CAGE1: variants seen among roughly 807,000 people sequenced by gnomAD.
CAGE1 encodes the protein cancer-associated gene 1 protein.
A neutral mutation model predicts 94.9 loss-of-function variants in CAGE1; 66 were observed. The ratio of observed to expected loss-of-function variants is 0.70; its 90% CI spans 0.57 to 0.85. CAGE1 has a LOEUF of 0.85. Ranked by LOEUF, CAGE1 falls within the 40% of genes least tolerant of loss-of-function variation. The pLI is 0.00. For missense variants in CAGE1, 865 were observed against 950.4 expected (o/e 0.91, Z 1.18); for synonymous variants, 319 against 321.0 (o/e 0.99, Z 0.07).
intron 11 of CAGE1, chr6:7,347,516 T>TGGGGGGGGGGGG (rs1292213281): frequency 2.7e-4 from 2 of 7,540 alleles, no homozygotes; most frequent in Admixed American, 1.3e-3. Flanking sequence ...GGGGGGGGGT[T>TGGGGGGGGGGGG]GGGGGGGGCG....
At position 7,373,181 on chromosome 6, in the gene CAGE1, T is replaced by A; in HGVS notation, c.1638A>T (p.Lys546Asn). 6.2e-7 allele frequency: 1 copy of A among 1,613,820 alleles called. No individual in the cohort carries two copies. Among genetic ancestry groups the A allele is most frequent in the Non-Finnish European group, 8.5e-7 (1 of 1,179,840 alleles). ...QINEVKNENA[K>N]LKQQVARSEE... is the part of the protein sequence containing the mutation. Reference sequence around the variant, plus strand: ...CACTCCTTGCAACCTGCTGTTTAAGTTTTGCATTCTCATTTTTTACTTCGT... The same window carrying A: ...CACTCCTTGCAACCTGCTGTTTAAGATTTGCATTCTCATTTTTTACTTCGT... Residue 546 changes from lysine to asparagine, a missense_variant, in exon 5 of 14, where the codon AAA becomes AAT. Lys to Asn is a moderately conservative substitution (Grantham distance 94). Transcript: ENST00000502583.
intron 11 of CAGE1, among the ~76,000 whole-genome samples, chr6:7,348,708 A>G (rs1759655508): frequency 6.6e-6 from 1 of 152,174 alleles, no homozygotes; most frequent in South Asian, 2.1e-4. Flanking sequence ...GGAAATAGAT[A>G]GCATAAAGAA....
At chr6:7,365,699 G>C in intron 8 of CAGE1, 105 bp downstream of exon 8, 2 of 1,333,030 alleles carry the variant, frequency 1.5e-6, no homozygotes, top group African/African-American at 2.9e-5. Flanking sequence ...TAAAAGTGCA[G>C]AACTTAGAAC....
intron 4 of CAGE1, among the ~76,000 whole-genome samples, chr6:7,375,893 T>C (rs1380952465): frequency 1.3e-5 from 2 of 152,206 alleles, no homozygotes; most frequent in African/African-American, 4.8e-5. Context: ...CTATCATTAC[T>C]GAGACCTACA....
intron 5 of CAGE1, among the ~76,000 whole-genome samples, chr6:7,370,909 A>G (rs1482576556): frequency 6.6e-6 from 1 of 152,240 alleles, no homozygotes; most frequent in Non-Finnish European, 1.5e-5. Context: ...AGTAAACAGA[A>G]CTAGAGTTCA....
chr6:7,338,938 C>G (rs529925198), intron 11 of CAGE1: 4 of 1,606,940 alleles, frequency 2.5e-6, no homozygotes, highest in Non-Finnish European at 3.4e-6. Flanking sequence ...TTGGGTTCCA[C>G]GATGCTCACG....
intron 11 of CAGE1, chr6:7,340,895 CG>C (rs754398655): frequency 9.5e-6 from 4 of 421,582 alleles, no homozygotes; most frequent in South Asian, 2.0e-5. Context: ...CAATTTTAGC[CG>C]GGGGGAGCTC....
intron 3 of CAGE1, among the ~76,000 whole-genome samples, chr6:7,379,888 ATAAT>A (rs374967350): frequency 1.1e-3 from 165 of 152,348 alleles, no homozygotes; most frequent in African/African-American, 3.7e-3. Flanking sequence ...CATTTAGTAA[ATAAT>A]TAAGTTCAAA....
chr6:7,326,799 G>T lies in CAGE1; in HGVS notation c.*59C>A. 8.5e-7 allele frequency: 1 copy of T among 1,182,452 alleles called. No homozygotes were observed. The highest frequency in any genetic ancestry group is 1.3e-6 in the Non-Finnish European group (1 of 787,734). 73.2% of individuals were successfully genotyped at this position (1,182,452 alleles called of 1,614,324 possible). A position where few individuals can be genotyped will look rare whatever the true frequency, so the allele number is the denominator to read the frequency against. On this transcript the variant is annotated 3_prime_UTR_variant, in exon 14 of 14. Transcript: ENST00000502583. The stretch of plus-strand genomic sequence containing the variant: ...TGGATTGATTTGGCTAGCATATGTA[G>T]TAATGACTCTTCCTGGAGTGGTTGA...
At chr6:7,340,595 A>G (rs570832434) in intron 11 of CAGE1, among the ~76,000 whole-genome samples, 1 of 152,194 alleles carries the variant, frequency 6.6e-6, no homozygotes, top group African/African-American at 2.4e-5. Flanking sequence ...AGCAAACACT[A>G]AAAAGATGCA....
In CAGE1 at chr6:7,339,095, G is replaced by C; in HGVS notation, c.2370-5005C>G. 1 of 1,594,284 alleles carries C rather than the reference G, an allele frequency of 6.3e-7. No homozygotes were observed. Among genetic ancestry groups the C allele is most frequent in the Non-Finnish European group, 8.6e-7 (1 of 1,162,812 alleles). On this transcript the variant is annotated intron_variant, in intron 11 of 13. Coordinates refer to ENST00000502583, the MANE Select transcript of CAGE1 (RefSeq NM_001170692.2). This position sits in a 1 kb window ranked among gnomAD's most constrained non-coding sequence, Gnocchi z 4.7. ...AGTAGTTAACAGGGTCTCTGCTGTG[G>C]ATCATCAGGCCGTCCACAAACTTCA...
intron 12 of CAGE1, among the ~76,000 whole-genome samples, chr6:7,330,536 T>C (rs1033399138): frequency 2.6e-5 from 4 of 152,190 alleles, no homozygotes; most frequent in Non-Finnish European, 5.9e-5. Context: ...AAATAAAACA[T>C]CTGAGGCTAT....
In CAGE1 at chr6:7,389,577, G is replaced by C. The variant is rs529930411; in HGVS notation, c.-399C>G. 3 of 335,040 alleles carry C rather than the reference G, an allele frequency of 9.0e-6. No homozygotes were observed. The East Asian group carries it at 2.3e-4, about 25-fold the overall frequency. 20.8% of individuals were successfully genotyped at this position (335,040 alleles called of 1,614,324 possible). Reference sequence around the variant, plus strand: ...CGACCCCCTAGGCCGAACAGCCTGTGGGCTAGCTGGCGCCTCCTGCCGCAG... The same window carrying C: ...CGACCCCCTAGGCCGAACAGCCTGTCGGCTAGCTGGCGCCTCCTGCCGCAG... On this transcript the variant is annotated 5_prime_UTR_variant, in exon 1 of 14. Transcript: ENST00000502583.
At chr6:7,385,596 T>C (rs1761093993) in intron 3 of CAGE1, among the ~76,000 whole-genome samples, 189 bp downstream of exon 3, 1 of 152,242 alleles carries the variant, frequency 6.6e-6, no homozygotes, top group Admixed American at 6.5e-5. Flanking sequence ...ATTTTCCTTA[T>C]CTGTAAAATG....
At chr6:7,343,260 T>A (rs972322408) in intron 11 of CAGE1, among the ~76,000 whole-genome samples, 1 of 151,514 alleles carries the variant, frequency 6.6e-6, no homozygotes, top group African/African-American at 2.4e-5. Flanking sequence ...TGACTATAAA[T>A]AAGGGCAGTA....
chr6:7,369,317 C>T (rs919534875), intron 6 of CAGE1, among the ~76,000 whole-genome samples: 1 of 151,948 alleles, frequency 6.6e-6, no homozygotes, highest in African/African-American at 2.4e-5. Context: ...CGTGCATGTC[C>T]CTTAATTGTT....
rs564432109 is a variant in CAGE1, at chr6:7,377,050, T to C, written c.687+1567A>G. 5.3e-5 allele frequency among the ~76,000 whole-genome samples: 8 copies of C among 152,360 alleles called. No individual in the cohort carries two copies. The East Asian group carries it at 1.5e-3, about 29-fold the overall frequency. On this transcript the variant is annotated intron_variant, in intron 4 of 13. Coordinates refer to ENST00000502583, the MANE Select transcript of CAGE1 (RefSeq NM_001170692.2). ...TACATATACTTTATATGTAACTTTA[T>C]TCACCTTATTGATCTTATTATAGTT...
At chr6:7,388,054 A>C (rs1040445613) in intron 1 of CAGE1, among the ~76,000 whole-genome samples, 38 of 139,098 alleles carry the variant, frequency 2.7e-4, no homozygotes, top group Non-Finnish European at 4.6e-4. Context: ...AAAAAAAAAA[A>C]AGTCTTTCAG....
intron 11 of CAGE1, among the ~76,000 whole-genome samples, chr6:7,344,519 T>C (rs1759343391): frequency 6.6e-6 from 1 of 152,222 alleles, no homozygotes; most frequent in African/African-American, 2.4e-5. Flanking sequence ...TGAGCTCCTG[T>C]GCGGCCCAGC....
Sources: allele counts gnomAD v4.1 joint callset (sites outside exome capture counted in the v4.1 genomes callset), GRCh38; gene constraint gnomAD v4.1.1; non-coding constraint Gnocchi (gnomAD v3.1); transcripts MANE v1.5; gene names NCBI Gene and HGNC (gene_info 2026-07-23, HGNC 2026-07-21).